Variants in CADM1 observed in about 807,000 individuals in gnomAD.
CADM1 encodes cell adhesion molecule 1.
CADM1 carries 15 observed loss-of-function variants against 53.1 expected under a neutral mutation model. The observed-to-expected ratio is 0.28, with a 90% CI of 0.19 to 0.44. The LOEUF (loss-of-function observed/expected upper bound fraction) is 0.44. Ranked by LOEUF, CADM1 falls within the 20% of genes least tolerant of loss-of-function variation. The pLI is 1.00. For missense variants in CADM1, 434 were observed against 611.3 expected, an observed-to-expected ratio of 0.71 and a Z score of 3.06; for synonymous variants, 281 against 243.0, an observed-to-expected ratio of 1.16 and a Z score of -1.45.
At chr11:115,416,264 C>G (rs930675688) in intron 1 of CADM1, among the ~76,000 whole-genome samples, 3 of 152,160 alleles carry the variant, frequency 2.0e-5, no homozygotes, top group Non-Finnish European at 4.4e-5. Context: ...ATATTCAAAG[C>G]TGAGTATCTT....
At chr11:115,331,901 C>A (rs1238214073) in intron 1 of CADM1, among the ~76,000 whole-genome samples, 4 of 146,578 alleles carry the variant, frequency 2.7e-5, no homozygotes, top group African/African-American at 7.8e-5. Flanking sequence ...GAGTTCAACA[C>A]AGCCCTAAGC....
At chr11:115,258,408 C>T (rs1191463786) in intron 1 of CADM1, among the ~76,000 whole-genome samples, 1 of 152,174 alleles carries the variant, frequency 6.6e-6, no homozygotes, top group Non-Finnish European at 1.5e-5. Context: ...CAATACAGTT[C>T]TTATCTGTCA....
intron 1 of CADM1, among the ~76,000 whole-genome samples, chr11:115,341,670 C>T (rs546455817): frequency 3.5e-4 from 53 of 152,246 alleles, no homozygotes; most frequent in African/African-American, 1.2e-3. Flanking sequence ...TTTAGGGAAA[C>T]AAGCAAACTA....
At chr11:115,332,631 G>A (rs1565370324) in intron 1 of CADM1, among the ~76,000 whole-genome samples, 1 of 152,068 alleles carries the variant, frequency 6.6e-6, no homozygotes, top group Non-Finnish European at 1.5e-5. Flanking sequence ...GCTCGATAAC[G>A]TGTCAATTTC....
chr11:115,343,778 A>C (rs945880867), intron 1 of CADM1, among the ~76,000 whole-genome samples: 3 of 151,986 alleles, frequency 2.0e-5, no homozygotes, highest in African/African-American at 7.2e-5. Context: ...GAAAATCACA[A>C]GACCTGAGTC....
chr11:115,207,772 T>C (rs3802858), intron 8 of CADM1, among the ~76,000 whole-genome samples: 61,668 of 151,996 alleles, frequency 0.41, 12,717 homozygotes, highest in Middle Eastern at 0.45. Context: ...GGCTCATACC[T>C]GGGCAAGTTC....
At chr11:115,260,419 C>A (rs1218902482) in intron 1 of CADM1, among the ~76,000 whole-genome samples, 1 of 152,228 alleles carries the variant, frequency 6.6e-6, no homozygotes, top group East Asian at 1.9e-4. Flanking sequence ...ACAGAACTCT[C>A]AATGGTTGTA....
At chr11:115,378,347 A>G (rs1053774539) in intron 1 of CADM1, among the ~76,000 whole-genome samples, 41 of 152,204 alleles carry the variant, frequency 2.7e-4, no homozygotes, top group Non-Finnish European at 4.0e-4. Flanking sequence ...CTGATATCAG[A>G]AATTACTCTC....
At chr11:115,279,500 C>A (rs1488027055) in intron 1 of CADM1, among the ~76,000 whole-genome samples, 2 of 152,060 alleles carry the variant, frequency 1.3e-5, no homozygotes, top group African/African-American at 4.8e-5. Flanking sequence ...CAGTTAAAAC[C>A]CCAGGGATTT....
At chr11:115,461,258 T>C (rs1477825752) in intron 1 of CADM1, among the ~76,000 whole-genome samples, 1 of 152,148 alleles carries the variant, frequency 6.6e-6, no homozygotes, top group Admixed American at 6.5e-5. Flanking sequence ...AAAATAATAA[T>C]GTAGTTGAGA....
At chr11:115,413,644 C>CTTTTTTTTTTTTTTTT (rs71066424) in intron 1 of CADM1, among the ~76,000 whole-genome samples, 25,308 of 118,000 alleles carry the variant, frequency 0.21, 4,533 homozygotes, top group Non-Finnish European at 0.32. Context: ...CAGCTCAGTT[C>CTTTTTTTTTTTTTTTT]TTTTTTTTTT....
At chr11:115,329,868 A>G (rs1272595364) in intron 1 of CADM1, among the ~76,000 whole-genome samples, 1 of 151,316 alleles carries the variant, frequency 6.6e-6, no homozygotes, top group East Asian at 2.0e-4. Flanking sequence ...TGACCATTCC[A>G]TGGACCATCT....
chr11:115,303,668 G>A (rs1298332424), intron 1 of CADM1, among the ~76,000 whole-genome samples: 1 of 151,918 alleles, frequency 6.6e-6, no homozygotes, highest in Non-Finnish European at 1.5e-5. Flanking sequence ...CTCAATTTAG[G>A]AACTTGACAC....
At chr11:115,292,148 C>T (rs947410322) in intron 1 of CADM1, among the ~76,000 whole-genome samples, 5 of 152,188 alleles carry the variant, frequency 3.3e-5, no homozygotes, top group African/African-American at 9.7e-5. Context: ...TACTTCCGCA[C>T]AGTCGCTGAC....
At chr11:115,274,779 T>C (rs1221752031) in intron 1 of CADM1, among the ~76,000 whole-genome samples, 2 of 152,158 alleles carry the variant, frequency 1.3e-5, no homozygotes, top group Non-Finnish European at 2.9e-5. Flanking sequence ...CGGTATTTCT[T>C]GGGTGGGGTG....
chr11:115,504,194 G>C, intron 1 of CADM1, 77 bp downstream of exon 1: 1 of 1,545,754 alleles, frequency 6.5e-7, no homozygotes, highest in Non-Finnish European at 8.7e-7. Context: ...TCATGGAAAC[G>C]TTTCCCCCCT....
At chr11:115,333,781 A>G (rs1044902744) in intron 1 of CADM1, among the ~76,000 whole-genome samples, 5 of 152,180 alleles carry the variant, frequency 3.3e-5, no homozygotes, top group Admixed American at 2.0e-4. Context: ...CATAGTAAAT[A>G]TAGGCAGAAA....
intron 1 of CADM1, among the ~76,000 whole-genome samples, chr11:115,306,072 C>CACACACACACACACACACA (rs1555060496): frequency 7.7e-6 from 1 of 130,390 alleles, no homozygotes; most frequent in South Asian, 2.6e-4. Flanking sequence ...AGGATATATA[C>CACACACACACACACACACA]CACACACACA....
chr11:115,397,291 T>C (rs1947025274), intron 1 of CADM1: 1 of 152,134 alleles, frequency 6.6e-6, no homozygotes, highest in South Asian at 2.1e-4. Context: ...TAATGGGTAA[T>C]ACACAACATT....
Sources: gnomAD v4.1 joint callset for allele counts (sites outside exome capture counted in the v4.1 genomes callset) on GRCh38, gnomAD v4.1.1 for gene constraint, MANE v1.5 for transcripts, NCBI Gene and HGNC (gene_info 2026-07-23, HGNC 2026-07-21) for gene names.